SAMD12: variants seen among roughly 807,000 people sequenced by gnomAD.
SAMD12 encodes sterile alpha motif domain containing 12.
A neutral mutation model predicts 15.0 loss-of-function variants in SAMD12; 9 were observed. That is an observed-to-expected ratio of 0.60 (90% CI 0.36 to 1.05). The LOEUF is 1.05. SAMD12 is among the 50% of genes least tolerant of loss of function. The probability of loss-of-function intolerance (pLI) is 0.01; values close to 1 mark genes in which losing one functional copy is unlikely to be tolerated. For missense variants in SAMD12, 230 were observed against 234.2 expected, an observed-to-expected ratio of 0.98 and a Z score of 0.12; for synonymous variants, 86 against 90.1, an observed-to-expected ratio of 0.96 and a Z score of 0.25.
At chr8:118,141,394 G>A in the SAMD12 span, among the ~76,000 whole-genome samples, 1 of 152,212 alleles carries the variant, frequency 6.6e-6, no homozygotes, top group Non-Finnish European at 1.5e-5. Context: ...ATAAGTTTGT[G>A]AGGATGATAT....
At chr8:118,471,184 T>C (rs758559777) in intron 2 of SAMD12, among the ~76,000 whole-genome samples, 28 of 141,294 alleles carry the variant, frequency 2.0e-4, no homozygotes, top group Admixed American at 8.2e-4. Context: ...GTCACAGCAT[T>C]TTTTTTTTCA....
chr8:118,455,310 C>T (rs943725483), intron 2 of SAMD12, among the ~76,000 whole-genome samples: 1 of 148,040 alleles, frequency 6.8e-6, no homozygotes, highest in African/African-American at 2.4e-5. Flanking sequence ...ACTCTGTTCT[C>T]CTTTCTAGAA....
chr8:118,249,980 G>A lies in SAMD12; in HGVS notation c.434-52248C>T, dbSNP rs28370859. ...TGAATGCAGGTGAATCCACACCCCC[G>A]ATGTTGGGGGCGGGAATGCATGGGA... On this transcript the variant is annotated intron_variant, in intron 4 of 4. Coordinates refer to the SAMD12 transcript ENST00000409003. 4.3e-3 allele frequency among the ~76,000 whole-genome samples: 653 copies of A among 152,206 alleles called. 2 individuals carry two copies. Among genetic ancestry groups the A allele is most frequent in the African/African-American group, 0.015 (614 of 41,546 alleles).
intron 2 of SAMD12, among the ~76,000 whole-genome samples, chr8:118,484,747 CTTGAGTGCT>C (rs202100219): frequency 0.012 from 1,874 of 152,240 alleles, 47 homozygotes; most frequent in African/African-American, 0.042. Flanking sequence ...TCTGTCAACT[CTTGAGTGCT>C]TTGCTCTCAC....
intron 4 of SAMD12, among the ~76,000 whole-genome samples, chr8:118,362,493 CTG>C (rs922891602): frequency 9.2e-5 from 14 of 152,122 alleles, no homozygotes; most frequent in African/African-American, 3.4e-4. Context: ...TTTACAGTAA[CTG>C]TGAATTATAA....
At chr8:118,394,540 G>A (rs1333629235) in intron 3 of SAMD12, among the ~76,000 whole-genome samples, 1 of 152,200 alleles carries the variant, frequency 6.6e-6, no homozygotes, top group Non-Finnish European at 1.5e-5. Flanking sequence ...AATAAATGTT[G>A]TTGAGAGAAA....
chr8:118,498,319 T>G (rs1824685387), intron 2 of SAMD12, among the ~76,000 whole-genome samples: 1 of 152,214 alleles, frequency 6.6e-6, no homozygotes, highest in African/African-American at 2.4e-5. Flanking sequence ...ATAAAAAATA[T>G]AGAGAAGAAT....
chr8:118,229,048 A>G (rs112020101), intron 4 of SAMD12, among the ~76,000 whole-genome samples: 67 of 152,280 alleles, frequency 4.4e-4, no homozygotes, highest in African/African-American at 1.6e-3. Flanking sequence ...AAAACCAAAC[A>G]TCGTATATTC....
chr8:118,367,542 C>T (rs1290156653), intron 4 of SAMD12, among the ~76,000 whole-genome samples: 3 of 152,152 alleles, frequency 2.0e-5, no homozygotes, highest in African/African-American at 7.2e-5. Flanking sequence ...ACAATGCAAC[C>T]TTATGACCAT....
At chr8:118,155,679 C>T in the SAMD12 span, among the ~76,000 whole-genome samples, 16 of 152,270 alleles carry the variant, frequency 1.1e-4, no homozygotes, top group East Asian at 3.9e-4. Context: ...GAATGGAATG[C>T]GAGGTGAGGA....
chr8:118,345,618 T>C (rs1185970516), intron 4 of SAMD12, among the ~76,000 whole-genome samples: 1 of 152,124 alleles, frequency 6.6e-6, no homozygotes, highest in Non-Finnish European at 1.5e-5. Flanking sequence ...GTGTAGACAG[T>C]GAGGAAGACA....
chr8:118,292,095 C>T (rs1054518433), intron 4 of SAMD12, among the ~76,000 whole-genome samples: 3 of 151,272 alleles, frequency 2.0e-5, no homozygotes. Flanking sequence ...GGTAAGCCTA[C>T]TAAAATGCAT....
chr8:118,140,569 GC>G, the SAMD12 span, among the ~76,000 whole-genome samples: 5 of 152,156 alleles, frequency 3.3e-5, no homozygotes, highest in Non-Finnish European at 5.9e-5. Context: ...ACTGCACCTG[GC>G]CTTTGTCTGT....
At chr8:118,319,826 A>T (rs1160708996) in intron 4 of SAMD12, among the ~76,000 whole-genome samples, 3 of 152,158 alleles carry the variant, frequency 2.0e-5, no homozygotes, top group Non-Finnish European at 4.4e-5. Flanking sequence ...ATAATATATA[A>T]GTTTAAATTT....
intron 1 of SAMD12, among the ~76,000 whole-genome samples, chr8:118,615,995 C>T (rs1214567624): frequency 6.6e-6 from 1 of 152,204 alleles, no homozygotes; most frequent in Non-Finnish European, 1.5e-5. Context: ...CAATGACGAA[C>T]TTCTAGCCGT....
At chr8:118,491,036 C>T (rs539520613) in intron 2 of SAMD12, among the ~76,000 whole-genome samples, 5 of 152,256 alleles carry the variant, frequency 3.3e-5, no homozygotes, top group South Asian at 2.1e-4. Context: ...CCCATTGCCC[C>T]GGGGAAAAAT....
intron 2 of SAMD12, among the ~76,000 whole-genome samples, chr8:118,524,907 G>C (rs899318993): frequency 1.2e-4 from 18 of 152,174 alleles, no homozygotes; most frequent in African/African-American, 4.3e-4. Context: ...TGGGATCCCT[G>C]CTTCCTGCTT....
At chr8:118,525,318 T>C (rs551198957) in intron 2 of SAMD12, among the ~76,000 whole-genome samples, 5 of 152,302 alleles carry the variant, frequency 3.3e-5, no homozygotes, top group African/African-American at 1.2e-4. Context: ...CATTTCCCCA[T>C]ACCCCACCCC....
intron 3 of SAMD12, among the ~76,000 whole-genome samples, chr8:118,431,566 TC>T (rs1259066746): frequency 6.6e-6 from 1 of 152,132 alleles, no homozygotes; most frequent in Non-Finnish European, 1.5e-5. Context: ...CTCATTTTCT[TC>T]TTGCTTAAGA....
Sources: gnomAD v4.1 joint callset for allele counts (sites outside exome capture counted in the v4.1 genomes callset) on GRCh38, gnomAD v4.1.1 for gene constraint, MANE v1.5 for transcripts, NCBI Gene and HGNC (gene_info 2026-07-23, HGNC 2026-07-21) for gene names.